Variants in KDR observed in about 807,000 individuals in gnomAD.
The protein encoded by KDR is vascular endothelial growth factor receptor 2.
In KDR, 43 loss-of-function variants were observed where a neutral mutation model predicts 160.9. The ratio of observed to expected loss-of-function variants is 0.27; its 90% confidence interval spans 0.21 to 0.34. The LOEUF (loss-of-function observed/expected upper bound fraction) is 0.34, where lower values mean the gene tolerates loss of function less well. Ranked by LOEUF, KDR falls within the 10% of genes least tolerant of loss-of-function variation. The probability of loss-of-function intolerance (pLI) is 1.00; values close to 1 mark genes in which losing one functional copy is unlikely to be tolerated. For missense variants in KDR, 1,469 were observed against 1,666.4 expected (o/e 0.88, Z 2.06); for synonymous variants, 617 against 600.1 (o/e 1.03, Z -0.41).
chr4:55,092,754 T>A (rs368902888), intron 21 of KDR, 40 bp from the exon 22 acceptor site: 1 of 1,345,086 alleles, frequency 7.4e-7, no homozygotes, highest in Non-Finnish European at 1.1e-6. Flanking sequence ...AGTATTTCCA[T>A]GAGTTAGTGT....
intron 27 of KDR, among the ~76,000 whole-genome samples, chr4:55,083,917 C>T (rs1257045586): frequency 2.6e-5 from 4 of 152,150 alleles, no homozygotes; most frequent in Non-Finnish European, 4.4e-5. Flanking sequence ...CTAAGTCCAA[C>T]CCCTAAAAGT....
chr4:55,100,684 A>G (rs1302562127), intron 15 of KDR, among the ~76,000 whole-genome samples: 4 of 152,194 alleles, frequency 2.6e-5, no homozygotes, highest in African/African-American at 9.7e-5. Flanking sequence ...TGAAATGCTA[A>G]TAAGCTTATA....
intron 18 of KDR, 40 bp from the exon 19 acceptor site, chr4:55,096,382 C>T (rs1181310395): frequency 7.5e-7 from 1 of 1,326,826 alleles, no homozygotes; most frequent in Admixed American, 1.7e-5. Flanking sequence ...TAGGTATGGA[C>T]ATTTCCTTCA....
In KDR at chr4:55,078,833, G is replaced by A. The variant is rs963008805; in HGVS notation, c.*1108C>T. ...ATTTGGGCTATAAAATAATTTTGAA[G>A]TCTGGCTAATAATCATTCAGAGAGT... On this transcript the variant is annotated 3_prime_UTR_variant, in exon 30 of 30. Transcript: ENST00000263923. 4 of 233,034 alleles carry A rather than the reference G, an allele frequency of 1.7e-5. No individual in the cohort carries two copies. The highest frequency in any genetic ancestry group is 8.8e-5 in the African/African-American group (4 of 45,342). The allele number at this position is 233,034 out of a possible 1,614,324, so 14.4% of individuals were successfully genotyped here. A position where few individuals can be genotyped will look rare whatever the true frequency, so the allele number is the denominator to read the frequency against.
At chr4:55,120,926 T>G (rs542345940) in intron 2 of KDR, among the ~76,000 whole-genome samples, 171 bp downstream of exon 2, 49 of 152,216 alleles carry the variant, frequency 3.2e-4, no homozygotes, top group Admixed American at 2.6e-4. Flanking sequence ...ACAGAATTTT[T>G]GAGAGAAAAT....
rs1309169009 is a variant in KDR at position 55,104,945 on chromosome 4, G to T, written c.1685C>A (p.Thr562Asn). The T allele has an allele frequency of 1.1e-5, 18 of 1,613,810 alleles. No homozygotes were observed. The highest frequency in any genetic ancestry group is 3.3e-5 in the Admixed American group (2 of 59,984). ...EITLQPDMQP[T>N]EQESVSLWCT... ...CCACAAAGACACGCTCTCCTGCTCA[G>T]TGGGCTGCATGTCAGGTTGCAAAGT... Residue 562 changes from threonine to asparagine, a missense_variant, in exon 13 of 30, where the codon ACT (threonine) becomes AAT (asparagine). By Grantham distance (65) the Thr-to-Asn change is moderately conservative. This residue lies in a region of KDR where 792 missense variants were observed against 840.9 expected (regional missense o/e 0.94). Coordinates refer to ENST00000263923, the MANE Select transcript of KDR (RefSeq NM_002253.4).
intron 20 of KDR, 28 bp downstream of exon 20, chr4:55,095,549 G>A: frequency 6.7e-7 from 1 of 1,485,876 alleles, no homozygotes; most frequent in African/African-American, 1.4e-5. Context: ...TTATAACATG[G>A]CCAGAGCAGG....
intron 1 of KDR, among the ~76,000 whole-genome samples, chr4:55,121,825 T>C (rs1720885575): frequency 6.6e-6 from 1 of 152,154 alleles, no homozygotes; most frequent in Non-Finnish European, 1.5e-5. Context: ...CATATTAATA[T>C]ACTTTTATGT....
intron 1 of KDR, among the ~76,000 whole-genome samples, chr4:55,123,109 C>T (rs1397311249): frequency 6.6e-6 from 1 of 151,908 alleles, no homozygotes; most frequent in Non-Finnish European, 1.5e-5. Context: ...TAACTGCCCC[C>T]AAAACAGGCA....
At chr4:55,106,913 T>C in intron 10 of KDR, 103 bp from the exon 11 acceptor site, 1 of 1,049,022 alleles carries the variant, frequency 9.5e-7, no homozygotes, top group Non-Finnish European at 1.5e-6. Flanking sequence ...TTCTTAGAAA[T>C]AACTTCCAAC....
intron 20 of KDR, 134 bp downstream of exon 20, chr4:55,095,443 C>T: frequency 1.4e-6 from 1 of 706,438 alleles, no homozygotes; most frequent in Non-Finnish European, 2.6e-6. Context: ...GAGGAAGTTA[C>T]AACAGCCAAG....
chr4:55,099,386 A>G (rs1200550544), intron 15 of KDR, among the ~76,000 whole-genome samples: 1 of 152,226 alleles, frequency 6.6e-6, no homozygotes, highest in East Asian at 1.9e-4. Flanking sequence ...CAACAATAAA[A>G]TTCTTAAGTA....
chr4:55,089,933 C>T lies in KDR; in HGVS notation c.3192+23G>A, dbSNP rs755373129. On this transcript the variant is annotated intron_variant, in intron 23 of 29. Coordinates refer to ENST00000263923, the MANE Select transcript of KDR (RefSeq NM_002253.4). ...TTTAATTCTGTTACTTAACCAAGCA[C>T]TGGGTTCATATTTGAAACTTACATC... 9.9e-6 allele frequency: 16 copies of T among 1,613,700 alleles called. No homozygotes were observed. In the South Asian group the frequency reaches 1.8e-4, roughly 18 times the overall value.
In KDR at chr4:55,101,404, C is replaced by G. The variant is rs140539128; in HGVS notation, c.2266+493G>C. 3.2e-4 allele frequency among the ~76,000 whole-genome samples: 48 copies of G among 152,344 alleles called. No individual in the cohort carries two copies. In the East Asian group the frequency reaches 7.3e-3, roughly 23 times the overall value. On this transcript the variant is annotated intron_variant, in intron 15 of 29. Transcript: ENST00000263923. ...AAGTACAAAGAATATTAAAAATCAT[C>G]TGTCGTTGCCCTATTCAAAGTGAAT...
chr4:55,090,161 A>T lies in KDR; in HGVS notation c.3070-83T>A. The T allele has an allele frequency of 2.6e-6, 4 of 1,541,012 alleles. No individual in the cohort carries two copies. In the East Asian group the frequency reaches 9.0e-5, roughly 35 times the overall value. On this transcript the variant is annotated intron_variant, in intron 22 of 29. Coordinates refer to ENST00000263923, the MANE Select transcript of KDR (RefSeq NM_002253.4). ...GTTGTGACCTCATGCATCAAAAAAA[A>T]ATCCCACATCAGAAAGCCAACTGAT...
intron 1 of KDR, among the ~76,000 whole-genome samples, chr4:55,124,873 C>T (rs988577466): frequency 1.3e-5 from 2 of 152,170 alleles, no homozygotes; most frequent in Admixed American, 1.3e-4. Context: ...TTTTCACCGC[C>T]TGTTCTCGCC....
chr4:55,098,373 T>C, intron 16 of KDR, 101 bp from the exon 17 acceptor site: 1 of 1,396,704 alleles, frequency 7.2e-7, no homozygotes, highest in Non-Finnish European at 1.0e-6. Context: ...CCTGTCTCAT[T>C]TTCCAATAAA....
chr4:55,123,978 G>T (rs976557495), intron 1 of KDR, among the ~76,000 whole-genome samples: 22 of 152,212 alleles, frequency 1.4e-4, no homozygotes, highest in Admixed American at 1.4e-3. Context: ...CTTCTTTGTG[G>T]AATACAGAGC....
chr4:55,102,652 G>A, intron 13 of KDR, 144 bp from the exon 14 acceptor site: 1 of 822,954 alleles, frequency 1.2e-6, no homozygotes, highest in Non-Finnish European at 2.0e-6. Flanking sequence ...CTGGTCACTG[G>A]GTAAAGTTAA....
Sources: gnomAD v4.1 joint callset for allele counts (sites outside exome capture counted in the v4.1 genomes callset) on GRCh38, gnomAD v4.1.1 for gene constraint, gnomAD v4.1.1 regional missense constraint, MANE v1.5 for transcripts, NCBI Gene and HGNC (gene_info 2026-07-23, HGNC 2026-07-21) for gene names.